The following CDC73 variants were observed in gnomAD, a reference collection of about 807,000 sequenced individuals.
CDC73 encodes cell division cycle 73.
In CDC73, 21 loss-of-function variants were observed where a neutral mutation model predicts 83.7. That is an observed-to-expected ratio of 0.25 (90% confidence interval 0.18 to 0.36). The LOEUF is 0.36. Ranked by LOEUF, CDC73 falls within the 10% of genes least tolerant of loss-of-function variation. The pLI is 1.00. For missense variants in CDC73, 342 were observed against 653.3 expected (o/e 0.52, Z 5.19); for synonymous variants, 224 against 212.9 (o/e 1.05, Z -0.45).
At chr1:193,246,094 T>A (rs1677948910) in intron 15 of CDC73, among the ~76,000 whole-genome samples, 1 of 152,164 alleles carries the variant, frequency 6.6e-6, no homozygotes, top group Non-Finnish European at 1.5e-5. Flanking sequence ...TTCACTCTGT[T>A]GGTTGTTTCC....
intron 13 of CDC73, among the ~76,000 whole-genome samples, chr1:193,213,974 C>G (rs1053108101): frequency 6.6e-6 from 1 of 152,156 alleles, no homozygotes; most frequent in African/African-American, 2.4e-5. Context: ...CCTTTTCTTC[C>G]CCTGCTCCAG....
intron 10 of CDC73, among the ~76,000 whole-genome samples, chr1:193,191,282 C>A (rs887680900): frequency 2.0e-5 from 3 of 152,186 alleles, no homozygotes; most frequent in African/African-American, 7.2e-5. Context: ...GTAATTGTTA[C>A]ATTCACTATG....
intron 7 of CDC73, 49 bp downstream of exon 7, chr1:193,142,115 GAGT>G: frequency 2.1e-6 from 3 of 1,436,234 alleles, no homozygotes; most frequent in Non-Finnish European, 2.9e-6. Context: ...GAGAGAGAGA[GAGT>G]GCGTTTAATC....
intron 13 of CDC73, among the ~76,000 whole-genome samples, chr1:193,226,637 G>A (rs1218875609): frequency 6.6e-6 from 1 of 152,162 alleles, no homozygotes; most frequent in Non-Finnish European, 1.5e-5. Context: ...ACTTGTGTAT[G>A]TTAAACCATC....
intron 3 of CDC73, 55 bp downstream of exon 3, chr1:193,130,298 C>T (rs1675672544): frequency 9.3e-7 from 1 of 1,075,528 alleles, no homozygotes. Flanking sequence ...TCTTTTTTCC[C>T]CTATGAAATA....
intron 10 of CDC73, among the ~76,000 whole-genome samples, chr1:193,177,474 G>T (rs1357932444): frequency 6.7e-6 from 1 of 149,472 alleles, no homozygotes; most frequent in Non-Finnish European, 1.5e-5. Context: ...AGCTTGCAGT[G>T]AGCCGAGATC....
chr1:193,181,794 G>A (rs759771567), intron 10 of CDC73: 101 of 412,748 alleles, frequency 2.4e-4, no homozygotes, highest in Middle Eastern at 6.3e-4. Flanking sequence ...ACCCAGGAAC[G>A]AAGCTTGTAA....
At chr1:193,123,525 C>T (rs893590651) in intron 1 of CDC73, among the ~76,000 whole-genome samples, 9 of 152,164 alleles carry the variant, frequency 5.9e-5, no homozygotes, top group Middle Eastern at 3.2e-3. Flanking sequence ...CGGCGCCCTG[C>T]CTATTGGTTG....
chr1:193,153,286 A>G (rs908834244), intron 10 of CDC73, among the ~76,000 whole-genome samples: 1 of 152,160 alleles, frequency 6.6e-6, no homozygotes, highest in African/African-American at 2.4e-5. Flanking sequence ...TTATTTAATG[A>G]TCGGACTTGG....
rs1675540006 is a variant in CDC73, at chr1:193,125,057, C to A, written c.132-55C>A. The stretch of plus-strand genomic sequence containing the variant: ...AGTTGTTTATATAAATGAATCCAGC[C>A]TGAAGAGTTGAATTAGAATTGTCAG... On this transcript the variant is annotated intron_variant, in intron 1 of 16. Transcript: ENST00000367435. 1.0e-5 allele frequency: 9 copies of A among 882,788 alleles called. No homozygotes were observed. In the South Asian group the frequency reaches 1.2e-4, roughly 12 times the overall value. The allele number at this position is 882,788 out of a possible 1,614,324, so 54.7% of individuals were successfully genotyped here.
chr1:193,150,939 ATAATT>A (rs1417469430), intron 9 of CDC73, among the ~76,000 whole-genome samples: 2 of 152,204 alleles, frequency 1.3e-5, no homozygotes, highest in African/African-American at 4.8e-5. Flanking sequence ...TTGTTTTTAT[ATAATT>A]TAAAGTAGAG....
At position 193,212,041 on chromosome 1, in the gene CDC73, T is replaced by C. The variant is rs1677288601; in HGVS notation, c.1031-24T>C. 1.9e-6 allele frequency: 3 copies of C among 1,555,570 alleles called. No individual in the cohort carries two copies. In the African/African-American group the frequency reaches 4.1e-5, roughly 21 times the overall value. ...GAATATGGTTTTTATGACACAGAGT[T>C]GTGATTTTTTTTCTTTTTCACAGTT... On this transcript the variant is annotated intron_variant, in intron 11 of 16. Coordinates refer to ENST00000367435, the MANE Select transcript of CDC73 (RefSeq NM_024529.5).
At chr1:193,124,160 C>T (rs537200985) in intron 1 of CDC73, among the ~76,000 whole-genome samples, 1 of 152,322 alleles carries the variant, frequency 6.6e-6, no homozygotes, top group African/African-American at 2.4e-5. Flanking sequence ...AGATTTTAAA[C>T]TTTTTCAGCA....
At chr1:193,250,206 A>C (rs1158080921) in intron 16 of CDC73, among the ~76,000 whole-genome samples, 1 of 151,802 alleles carries the variant, frequency 6.6e-6, no homozygotes, top group Admixed American at 6.6e-5. Context: ...GTTTTTTGCA[A>C]GTACTGAAAG....
chr1:193,141,667 G>T (rs531835113), intron 6 of CDC73, among the ~76,000 whole-genome samples, 183 bp from the exon 7 acceptor site: 4 of 152,060 alleles, frequency 2.6e-5, no homozygotes, highest in African/African-American at 9.7e-5. Flanking sequence ...GTAATATCTC[G>T]ACATGAATTC....
intron 3 of CDC73, among the ~76,000 whole-genome samples, chr1:193,131,083 T>C (rs1170307327): frequency 6.6e-6 from 1 of 152,236 alleles, no homozygotes; most frequent in Non-Finnish European, 1.5e-5. Context: ...AGTGTTTTTT[T>C]CAGCATTGAT....
chr1:193,192,802 A>G (rs1362084563), intron 10 of CDC73, among the ~76,000 whole-genome samples: 2 of 152,234 alleles, frequency 1.3e-5, no homozygotes, highest in South Asian at 2.1e-4. Flanking sequence ...CATTGAGTCA[A>G]CACGTGTGTG....
intron 5 of CDC73, chr1:193,136,529 A>T (rs886666434): frequency 3.8e-6 from 1 of 260,176 alleles, no homozygotes; most frequent in Non-Finnish European, 9.1e-6. Context: ...TATGCATAGT[A>T]CTCCCAGAAC....
At chr1:193,182,215 C>T (rs753328673) in intron 10 of CDC73, among the ~76,000 whole-genome samples, 1 of 152,016 alleles carries the variant, frequency 6.6e-6, no homozygotes, top group Non-Finnish European at 1.5e-5. Flanking sequence ...TTTCCATTGG[C>T]CCCTACTGTG....
Sources: allele counts gnomAD v4.1 joint callset (sites outside exome capture counted in the v4.1 genomes callset), GRCh38; gene constraint gnomAD v4.1.1; transcripts MANE v1.5; gene names NCBI Gene and HGNC (gene_info 2026-07-23, HGNC 2026-07-21).